The following KIF1A variants were observed in gnomAD, a reference collection of about 807,000 sequenced individuals.
KIF1A encodes the protein kinesin family member 1A, also known as kinesin-like protein KIF1A.
A neutral mutation model predicts 227.3 loss-of-function variants in KIF1A; 46 were observed. The observed-to-expected ratio is 0.20, with a 90% CI of 0.16 to 0.26. The LOEUF (loss-of-function observed/expected upper bound fraction) is 0.26, where lower values mean the gene tolerates loss of function less well. Among genes scored for constraint, KIF1A ranks in the 10% least tolerant of loss-of-function variants. The pLI, the probability that KIF1A is intolerant of heterozygous loss-of-function variation, is 1.00. For missense variants in KIF1A, 1,683 were observed against 2,485.9 expected (o/e 0.68, Z 6.87); for synonymous variants, 1,022 against 1,012.8 (o/e 1.01, Z -0.17).
In KIF1A at chr2:240,745,704, G is replaced by A. The variant is rs185010090; in HGVS notation, c.3374+34C>T. The A allele has an allele frequency of 3.3e-4, 527 of 1,601,654 alleles. No individual in the cohort carries two copies. The African/African-American group carries it at 4.7e-3, about 14-fold the overall frequency. ...GGAGCCTTGGGCACAGAGTCCCTGC[G>A]CAGCGCAGGGACACAAAGGCAGCAG... On this transcript the variant is annotated intron_variant, in intron 31 of 48. Coordinates refer to ENST00000498729, the MANE Select transcript of KIF1A (RefSeq NM_001244008.2).
At chr2:240,721,992 A>G in intron 43 of KIF1A, 108 bp from the exon 44 acceptor site, 1 of 840,814 alleles carries the variant, frequency 1.2e-6, no homozygotes. Flanking sequence ...GTGGGTTCCG[A>G]CGCCAGAGCA....
intron 10 of KIF1A, among the ~76,000 whole-genome samples, chr2:240,779,728 C>A (rs1265491584): frequency 8.5e-5 from 13 of 152,136 alleles, no homozygotes. Context: ...TCACTCAGTT[C>A]CTCACAGTTC....
chr2:240,760,841 T>C lies in KIF1A; in HGVS notation c.2268A>G (p.Val756=). ...NAISVELKKK[V]QFQFVLLTDT... ...CCGTCAGGAGGACAAACTGGAATTGTACCTGTGACAGGGGAAGATGACCAC... is the reference window on the plus strand; with the variant it reads ...CCGTCAGGAGGACAAACTGGAATTGCACCTGTGACAGGGGAAGATGACCAC... The change falls in exon 25 of 49, where the codon GTA becomes GTG. Residue 756 remains valine (V), a splice_region_variant and synonymous_variant. Transcript: ENST00000498729. 1.2e-6 allele frequency: 2 copies of C among 1,605,516 alleles called. No individual in the cohort carries two copies. The highest frequency in any genetic ancestry group is 1.7e-6 in the Non-Finnish European group (2 of 1,176,992).
At chr2:240,797,902 A>C in intron 1 of KIF1A, 90 bp from the exon 2 acceptor site, 1 of 595,412 alleles carries the variant, frequency 1.7e-6, no homozygotes, top group Non-Finnish European at 3.0e-6. Context: ...GGTCTTTTCC[A>C]CTCCCCTCCA....
At chr2:240,745,259 C>G (rs2048451100) in intron 32 of KIF1A, among the ~76,000 whole-genome samples, 168 bp downstream of exon 32, 1 of 152,272 alleles carries the variant, frequency 6.6e-6, no homozygotes, top group Admixed American at 6.5e-5. Flanking sequence ...AAGGGTCTCC[C>G]ACTGCCCAGA....
chr2:240,817,617 T>C (rs761046431), intron 1 of KIF1A, among the ~76,000 whole-genome samples: 4 of 152,212 alleles, frequency 2.6e-5, no homozygotes, highest in Non-Finnish European at 5.9e-5. Context: ...AATGACCTAA[T>C]GCTGGTAGCC....
intron 1 of KIF1A, among the ~76,000 whole-genome samples, chr2:240,812,899 G>A (rs1008103383): frequency 3.2e-3 from 148 of 46,826 alleles, no homozygotes; most frequent in South Asian, 4.4e-3. Flanking sequence ...CTTCACCTCG[G>A]GGATCCGCCT....
At chr2:240,808,287 G>T (rs1415297494) in intron 1 of KIF1A, among the ~76,000 whole-genome samples, 2 of 152,126 alleles carry the variant, frequency 1.3e-5, no homozygotes, top group Non-Finnish European at 1.5e-5. Flanking sequence ...AATTAGGAAG[G>T]TTCAATAAGG....
chr2:240,810,862 C>T (rs1409678766), intron 1 of KIF1A, among the ~76,000 whole-genome samples: 1 of 152,206 alleles, frequency 6.6e-6, no homozygotes, highest in African/African-American at 2.4e-5. Flanking sequence ...CTCCTTCCCG[C>T]CAGGCCCCAT....
In KIF1A at chr2:240,817,951, C is replaced by T. The variant is rs1015243236; in HGVS notation, c.-61+2171G>A. 5.3e-5 allele frequency among the ~76,000 whole-genome samples: 8 copies of T among 152,228 alleles called. No homozygotes were observed. In the South Asian group the frequency reaches 8.3e-4, roughly 16 times the overall value. On this transcript the variant is annotated intron_variant, in intron 1 of 48. Transcript: ENST00000498729. ...AATCCTGATCCAGCCAAGCATCATC[C>T]CTGGGCTTTGGGCAGAACTCCAGGC... is the stretch of plus-strand genomic sequence containing the variant.
intron 1 of KIF1A, among the ~76,000 whole-genome samples, chr2:240,803,579 G>A (rs2057151909): frequency 6.6e-6 from 1 of 152,158 alleles, no homozygotes; most frequent in Admixed American, 6.5e-5. Flanking sequence ...ATTTCAGGAG[G>A]GAGAGATGAT....
intron 20 of KIF1A, 87 bp downstream of exon 20, chr2:240,765,623 A>T: frequency 9.4e-7 from 1 of 1,065,242 alleles, no homozygotes; most frequent in Non-Finnish European, 1.4e-6. Context: ...CGCACAGTGC[A>T]CAGGAGGCGG....
intron 2 of KIF1A, among the ~76,000 whole-genome samples, chr2:240,794,413 A>G (rs1388080104): frequency 6.6e-6 from 1 of 152,182 alleles, no homozygotes; most frequent in Non-Finnish European, 1.5e-5. Context: ...CAGGACCTGC[A>G]GTGAGTGCCC....
At chr2:240,767,637 G>A (rs1304867727) in intron 17 of KIF1A, among the ~76,000 whole-genome samples, 1 of 152,278 alleles carries the variant, frequency 6.6e-6, no homozygotes, top group African/African-American at 2.4e-5. Flanking sequence ...GCTTCCAGAA[G>A]GGCAGACAGC....
At chr2:240,808,521 T>A (rs2057607856) in intron 1 of KIF1A, among the ~76,000 whole-genome samples, 1 of 151,078 alleles carries the variant, frequency 6.6e-6, no homozygotes, top group South Asian at 2.1e-4. Flanking sequence ...TTTTTTTTTT[T>A]AATTAGCCAG....
At position 240,722,490 on chromosome 2, in the gene KIF1A, G is replaced by T; in HGVS notation, c.4631C>A (p.Ala1544Asp). The T allele has an allele frequency of 6.5e-7, 1 of 1,547,498 alleles. No individual in the cohort carries two copies. The change falls in exon 43 of 49, where the codon GCT (alanine) becomes GAT (aspartate). Residue 1544 changes from alanine (A) to aspartate (D), a missense_variant. By Grantham distance (126) the Ala-to-Asp change is moderately radical (BLOSUM62 -2). Around this residue, in one of 12 missense-constraint regions of KIF1A, gnomAD observed 384 missense variants for 410.1 expected, o/e 0.94. Coordinates refer to ENST00000498729, the MANE Select transcript of KIF1A (RefSeq NM_001244008.2). Reference protein sequence around the residue: ...SAEGRPSPLEAPNERQRELAV... With the variant: ...SAEGRPSPLEDPNERQRELAV... Reference sequence around the variant, plus strand: ...CAGCTCCCGCTGCCTCTCGTTGGGAGCCTCCAGGGGTGATGGGCGGCCCTC... The same window carrying T: ...CAGCTCCCGCTGCCTCTCGTTGGGATCCTCCAGGGGTGATGGGCGGCCCTC...
chr2:240,718,743 G>A (rs961316147), intron 47 of KIF1A, among the ~76,000 whole-genome samples: 8 of 152,240 alleles, frequency 5.3e-5, no homozygotes, highest in Admixed American at 2.0e-4. Context: ...TCACACAGGA[G>A]AATACTAATG....
rs76852368 is a variant in KIF1A at position 240,789,175 on chromosome 2, G to A, written c.183+61C>T. The A allele has an allele frequency of 7.3e-3, 9,970 of 1,369,622 alleles. 95 individuals are homozygous for A. The highest frequency in any genetic ancestry group is 0.044 in the African/African-American group (3,081 of 69,990). 84.8% of individuals were successfully genotyped at this position (1,369,622 alleles called of 1,614,324 possible). On this transcript the variant is annotated intron_variant, in intron 3 of 48. Coordinates refer to ENST00000498729, the MANE Select transcript of KIF1A (RefSeq NM_001244008.2). The surrounding 1 kb of genome is among the most constrained non-coding windows in gnomAD (Gnocchi z 4.8). ...CGGCTCAGAGAAGTTGAGGGACCCC[G>A]AGGGCCACATGGCCTATGCACTGCT... is the stretch of plus-strand genomic sequence containing the variant.
rs529103288 is a variant in KIF1A, at chr2:240,739,862, T to C, written c.3901+196A>G. 2.0e-5 allele frequency among the ~76,000 whole-genome samples: 3 copies of C among 152,206 alleles called. No individual in the cohort carries two copies. In the South Asian group the frequency reaches 6.2e-4, roughly 32 times the overall value. ...TCCAATACACTGATTAAACAGAAAT[T>C]TGCAGATCGTCACCCAGGTCCAAGG... On this transcript the variant is annotated intron_variant, in intron 37 of 48. Transcript: ENST00000498729. The surrounding 1 kb of genome is among the most constrained non-coding windows in gnomAD (Gnocchi z 5.6).
Sources: gnomAD v4.1 joint callset for allele counts (sites outside exome capture counted in the v4.1 genomes callset) on GRCh38, gnomAD v4.1.1 for gene constraint, gnomAD v4.1.1 regional missense constraint, Gnocchi (gnomAD v3.1) non-coding constraint, MANE v1.5 for transcripts, NCBI Gene and HGNC (gene_info 2026-07-23, HGNC 2026-07-21) for gene names.